STAU2: variants seen among roughly 807,000 people sequenced by gnomAD.
The protein encoded by STAU2 is staufen double-stranded RNA binding protein 2, also known as double-stranded RNA-binding protein Staufen homolog 2.
Under a neutral mutation model 65.9 loss-of-function variants are expected in STAU2, and 20 were observed. The ratio of observed to expected loss-of-function variants is 0.30; its 90% CI spans 0.21 to 0.44. The LOEUF is 0.44. Among genes scored for constraint, STAU2 ranks in the 20% least tolerant of loss-of-function variants. STAU2 has a pLI of 1.00. For missense variants in STAU2, 558 were observed against 683.9 expected, an observed-to-expected ratio of 0.82 and a Z score of 2.05; for synonymous variants, 232 against 233.9, an observed-to-expected ratio of 0.99 and a Z score of 0.07.
intron 11 of STAU2, among the ~76,000 whole-genome samples, chr8:73,584,070 C>T (rs912353658): frequency 3.0e-4 from 46 of 152,118 alleles, no homozygotes; most frequent in African/African-American, 1.1e-3. Context: ...TTTAATCATA[C>T]ATCTTAGGGT....
intron 13 of STAU2, chr8:73,527,892 A>AGGAAAATT (rs1554536057): frequency 1.9e-4 from 126 of 681,016 alleles, no homozygotes; most frequent in Non-Finnish European, 2.6e-4. Context: ...TCTAGATTTC[A>AGGAAAATT]CAGAACACAC....
intron 4 of STAU2, among the ~76,000 whole-genome samples, chr8:73,701,743 A>G (rs1215860139): frequency 6.6e-6 from 1 of 152,094 alleles, no homozygotes; most frequent in Non-Finnish European, 1.5e-5. Flanking sequence ...TATTCCCAAA[A>G]GAAAAGAAAT....
At chr8:73,474,723 T>C (rs1002982511) in intron 13 of STAU2, among the ~76,000 whole-genome samples, 4 of 152,218 alleles carry the variant, frequency 2.6e-5, no homozygotes. Context: ...AGCTTATTTT[T>C]ATTTAATGTT....
chr8:73,446,838 G>A (rs957709070), intron 13 of STAU2, among the ~76,000 whole-genome samples: 1 of 152,072 alleles, frequency 6.6e-6, no homozygotes, highest in Non-Finnish European at 1.5e-5. Flanking sequence ...TTAAAGGAAA[G>A]TCCCCCATAC....
chr8:73,522,456 A>C (rs1823090881), intron 13 of STAU2, among the ~76,000 whole-genome samples: 1 of 152,178 alleles, frequency 6.6e-6, no homozygotes, highest in South Asian at 2.1e-4. Context: ...TATTGAGCAA[A>C]ACCCTCACCA....
chr8:73,682,983 T>C (rs1015911261), intron 5 of STAU2, among the ~76,000 whole-genome samples: 1 of 151,362 alleles, frequency 6.6e-6, no homozygotes, highest in Non-Finnish European at 1.5e-5. Context: ...ACAACAACAA[T>C]AAAAAAAGCC....
chr8:73,527,682 A>G (rs1805537014), intron 13 of STAU2: 1 of 1,534,492 alleles, frequency 6.5e-7, no homozygotes, highest in African/African-American at 1.4e-5. Context: ...TGGCAGTGGC[A>G]TATTATACCT....
At chr8:73,614,084 G>A in intron 8 of STAU2, 128 bp from the exon 9 acceptor site, 1 of 661,092 alleles carries the variant, frequency 1.5e-6, no homozygotes, top group Non-Finnish European at 2.5e-6. Flanking sequence ...CTTTAAGAAA[G>A]CTATTATGAA....
chr8:73,588,902 G>C (rs1810569784), intron 11 of STAU2, among the ~76,000 whole-genome samples: 1 of 151,868 alleles, frequency 6.6e-6, no homozygotes, highest in African/African-American at 2.4e-5. Flanking sequence ...CAGGCTCACA[G>C]AATCTGCCAG....
chr8:73,726,943 C>T (rs1462814841), intron 3 of STAU2, among the ~76,000 whole-genome samples: 2 of 151,998 alleles, frequency 1.3e-5, no homozygotes, highest in East Asian at 1.9e-4. Context: ...TCAAAGTGAA[C>T]GTTCGGCTGG....
chr8:73,685,667 C>T (rs368225158), intron 5 of STAU2, among the ~76,000 whole-genome samples: 2 of 151,978 alleles, frequency 1.3e-5, no homozygotes, highest in African/African-American at 2.4e-5. Context: ...TGAGCCACTG[C>T]GCCCAGCCAA....
chr8:73,675,692 T>C (rs1195789000), intron 5 of STAU2: 2 of 152,198 alleles, frequency 1.3e-5, no homozygotes, highest in Admixed American at 1.3e-4. Flanking sequence ...TTCATAAATA[T>C]TATGGTCATA....
intron 13 of STAU2, among the ~76,000 whole-genome samples, chr8:73,428,512 C>T (rs549209306): frequency 1.3e-5 from 2 of 152,104 alleles, no homozygotes; most frequent in South Asian, 2.1e-4. Flanking sequence ...CCCAAAAGCA[C>T]CATCACAGAG....
intron 13 of STAU2, among the ~76,000 whole-genome samples, chr8:73,538,704 C>T (rs1184599676): frequency 1.3e-5 from 2 of 151,354 alleles, no homozygotes; most frequent in African/African-American, 2.4e-5. Context: ...TAACATAGGC[C>T]TATGCATGAG....
At chr8:73,646,480 G>A (rs1236630854) in intron 6 of STAU2, among the ~76,000 whole-genome samples, 1 of 152,158 alleles carries the variant, frequency 6.6e-6, no homozygotes, top group African/African-American at 2.4e-5. Context: ...ATGGAGGAAG[G>A]AGAGCTATCC....
intron 13 of STAU2, among the ~76,000 whole-genome samples, chr8:73,498,872 C>T (rs1821584045): frequency 6.6e-6 from 1 of 151,732 alleles, no homozygotes; most frequent in Non-Finnish European, 1.5e-5. Flanking sequence ...CTGTGGTGCC[C>T]AGTTGCTTGG....
Position 73,738,309 on chromosome 8 carries a change from C to G in STAU2, c.-43G>C, listed in dbSNP as rs1289758688. 6.2e-7 allele frequency: 1 copy of G among 1,606,174 alleles called. No homozygotes were observed. ...CTGATTTATTTGAAGCATGTTAAGA[C>G]AATATTGACCAAACTGCTGTATCCC... On this transcript the variant is annotated 5_prime_UTR_variant, in exon 3 of 15. Transcript: ENST00000524300.
chr8:73,722,750 A>T (rs549698592), intron 3 of STAU2, among the ~76,000 whole-genome samples: 4 of 152,326 alleles, frequency 2.6e-5, no homozygotes, highest in Admixed American at 6.5e-5. Context: ...CTCACTTAAC[A>T]TCATCAATAG....
intron 13 of STAU2, among the ~76,000 whole-genome samples, chr8:73,509,182 T>A (rs941741125): frequency 5.3e-5 from 8 of 152,214 alleles, no homozygotes; most frequent in Non-Finnish European, 1.0e-4. Flanking sequence ...TTGAGTACAG[T>A]CATCTTAGTG....
Sources: allele counts gnomAD v4.1 joint callset (sites outside exome capture counted in the v4.1 genomes callset), GRCh38; gene constraint gnomAD v4.1.1; transcripts MANE v1.5; gene names NCBI Gene and HGNC (gene_info 2026-07-23, HGNC 2026-07-21).